Variants in PLEKHH2 observed in about 807,000 individuals in gnomAD.
The protein encoded by PLEKHH2 is pleckstrin homology domain-containing family H member 2.
In PLEKHH2, 129 loss-of-function variants were observed where a neutral mutation model predicts 187.9. The ratio of observed to expected loss-of-function variants is 0.69; its 90% CI spans 0.59 to 0.79. PLEKHH2 has a LOEUF of 0.79. Ranked by LOEUF, PLEKHH2 falls within the 30% of genes least tolerant of loss-of-function variation. PLEKHH2 has a pLI of 0.00. For missense variants in PLEKHH2, 2,076 were observed against 1,751.2 expected (o/e 1.19, Z -3.31); for synonymous variants, 686 against 605.6 (o/e 1.13, Z -1.95).
At chr2:43,721,983 A>G (rs559721627) in intron 16 of PLEKHH2, among the ~76,000 whole-genome samples, 3 of 152,272 alleles carry the variant, frequency 2.0e-5, no homozygotes, top group East Asian at 3.9e-4. Context: ...TTGTGCTGTC[A>G]ATGTAATCCT....
chr2:43,656,540 G>C (rs1261325936), intron 2 of PLEKHH2, among the ~76,000 whole-genome samples: 2 of 126,974 alleles, frequency 1.6e-5, no homozygotes, highest in African/African-American at 5.9e-5. Context: ...CACAGGAATA[G>C]TCAGAGGATT....
At chr2:43,685,351 A>G (rs1309026548) in intron 3 of PLEKHH2, among the ~76,000 whole-genome samples, 1 of 152,242 alleles carries the variant, frequency 6.6e-6, no homozygotes, top group African/African-American at 2.4e-5. Flanking sequence ...GTCTGCAGAA[A>G]AAAAGTCACA....
chr2:43,714,225 GT>G (rs1195608912), intron 15 of PLEKHH2, among the ~76,000 whole-genome samples: 2 of 152,154 alleles, frequency 1.3e-5, no homozygotes, highest in African/African-American at 2.4e-5. Flanking sequence ...TTGCTTGCTT[GT>G]TTTTACTTTA....
chr2:43,758,803 T>C, intron 26 of PLEKHH2, 97 bp from the exon 27 acceptor site: 2 of 1,076,266 alleles, frequency 1.9e-6, no homozygotes, highest in Non-Finnish European at 2.6e-6. Flanking sequence ...CAGTTATGCT[T>C]AGGATTGGCT....
intron 28 of PLEKHH2, among the ~76,000 whole-genome samples, chr2:43,763,053 G>A (rs1672489158): frequency 6.6e-6 from 1 of 152,064 alleles, no homozygotes; most frequent in African/African-American, 2.4e-5. Flanking sequence ...ATTCTTTTGT[G>A]TTATAGTCAC....
At chr2:43,734,724 A>G (rs943189701) in intron 19 of PLEKHH2, among the ~76,000 whole-genome samples, 2 of 152,252 alleles carry the variant, frequency 1.3e-5, no homozygotes, top group Admixed American at 6.5e-5. Flanking sequence ...TAGAACTACC[A>G]TGTGATCCAG....
At chr2:43,697,067 C>G in intron 6 of PLEKHH2, 104 bp from the exon 7 acceptor site, 1 of 903,350 alleles carries the variant, frequency 1.1e-6, no homozygotes, top group Non-Finnish European at 1.6e-6. Flanking sequence ...GGCTTTTTTT[C>G]TGGCATAAAG....
At position 43,731,516 on chromosome 2, in the gene PLEKHH2, T is replaced by C; in HGVS notation, c.2857T>C (p.Leu953=). 1.2e-6 allele frequency: 2 copies of C among 1,603,590 alleles called. No homozygotes were observed. Among genetic ancestry groups the C allele is most frequent in the Non-Finnish European group, 1.7e-6 (2 of 1,170,916 alleles). The change falls in exon 19 of 30, where the codon TTG becomes CTG. Residue 953 remains leucine (L), a synonymous_variant. Coordinates refer to ENST00000282406, the MANE Select transcript of PLEKHH2 (RefSeq NM_172069.4). ...PSSQIWRHPT[L]CHSKEGIISP... ...CTCTCAGATATGGAGACACCCCACTTTGTGTCACAGTAAAGAAGGAATCAT... is the reference window on the plus strand; with the variant it reads ...CTCTCAGATATGGAGACACCCCACTCTGTGTCACAGTAAAGAAGGAATCAT...
intron 2 of PLEKHH2, among the ~76,000 whole-genome samples, chr2:43,666,524 T>A (rs1443957151): frequency 6.6e-6 from 1 of 152,244 alleles, no homozygotes; most frequent in Non-Finnish European, 1.5e-5. Context: ...CTTAAGAAAC[T>A]GCCGAACTGT....
intron 25 of PLEKHH2, among the ~76,000 whole-genome samples, chr2:43,754,701 C>T (rs1392527561): frequency 6.6e-6 from 1 of 152,196 alleles, no homozygotes; most frequent in Non-Finnish European, 1.5e-5. Context: ...CATATGGCAT[C>T]TGGACCAAGG....
At chr2:43,754,114 G>A (rs751590069) in intron 25 of PLEKHH2, among the ~76,000 whole-genome samples, 1 of 151,216 alleles carries the variant, frequency 6.6e-6, no homozygotes, top group Non-Finnish European at 1.5e-5. Context: ...AAAGGCTAGA[G>A]CACTTTCTTT....
chr2:43,643,371 ATGT>A (rs1457654799), intron 1 of PLEKHH2, among the ~76,000 whole-genome samples: 2 of 152,186 alleles, frequency 1.3e-5, no homozygotes, highest in East Asian at 1.9e-4. Flanking sequence ...CACTTAATAA[ATGT>A]TGTAGTCTTT....
At chr2:43,712,636 G>A (rs1008092861) in intron 15 of PLEKHH2, among the ~76,000 whole-genome samples, 1 of 152,146 alleles carries the variant, frequency 6.6e-6, no homozygotes, top group Admixed American at 6.5e-5. Context: ...AAGAAGGATT[G>A]AAAAACTTTG....
At position 43,695,173 on chromosome 2, in the gene PLEKHH2, A is replaced by C; in HGVS notation, c.451A>C (p.Ile151Leu). ...LELENQNLRL[I>L]NQNQTEEIRT... ...ATTGGAGAATCAGAATCTTCGTTTG[A>C]TCAACCAAAACCAAACTGAAGAGAT... Residue 151 changes from isoleucine (I) to leucine (L), a missense_variant, in exon 6 of 30, where the codon ATC (isoleucine) becomes CTC (leucine). Coordinates refer to ENST00000282406, the MANE Select transcript of PLEKHH2 (RefSeq NM_172069.4). The C allele has an allele frequency of 6.3e-7, 1 of 1,599,626 alleles. No homozygotes were observed. Among genetic ancestry groups the C allele is most frequent in the Non-Finnish European group, 8.5e-7 (1 of 1,170,948 alleles).
Position 43,733,812 on chromosome 2 carries a change from C to T in PLEKHH2, c.2943+2210C>T, listed in dbSNP as rs1671161569. Among the ~76,000 whole-genome samples, 3 of 152,098 alleles carry T rather than the reference C, an allele frequency of 2.0e-5. No individual in the cohort carries two copies. In the South Asian group the frequency reaches 6.2e-4, roughly 32 times the overall value. On this transcript the variant is annotated intron_variant, in intron 19 of 29. Coordinates refer to ENST00000282406, the MANE Select transcript of PLEKHH2 (RefSeq NM_172069.4). ...GGTGATTATTATGCTGTTCTCTCTACTTTTATACATTTTTAAAATTTCTAT... is the reference window on the plus strand; with the variant it reads ...GGTGATTATTATGCTGTTCTCTCTATTTTTATACATTTTTAAAATTTCTAT...
intron 15 of PLEKHH2, among the ~76,000 whole-genome samples, chr2:43,718,058 GATATGAT>G (rs1053462855): frequency 1.8e-4 from 27 of 152,148 alleles, no homozygotes; most frequent in African/African-American, 6.5e-4. Flanking sequence ...GGCTAATTGG[GATATGAT>G]ATACTGTTTG....
chr2:43,712,168 C>G (rs1669997216), intron 14 of PLEKHH2, 57 bp from the exon 15 acceptor site: 1 of 1,559,488 alleles, frequency 6.4e-7, no homozygotes, highest in African/African-American at 1.4e-5. Context: ...CAAGGAAATG[C>G]TAACAATCCT....
intron 2 of PLEKHH2, among the ~76,000 whole-genome samples, chr2:43,666,642 C>T (rs1469957366): frequency 2.6e-5 from 4 of 152,160 alleles, no homozygotes; most frequent in African/African-American, 4.8e-5. Context: ...TAATTTTAGC[C>T]ATATTAATAG....
At chr2:43,679,919 T>G (rs1172972820) in intron 3 of PLEKHH2, among the ~76,000 whole-genome samples, 3 of 152,186 alleles carry the variant, frequency 2.0e-5, no homozygotes, top group Non-Finnish European at 2.9e-5. Context: ...TGATGCTCAG[T>G]GTCCCAAAGT....
Sources: gnomAD v4.1 joint callset for allele counts (sites outside exome capture counted in the v4.1 genomes callset) on GRCh38, gnomAD v4.1.1 for gene constraint, MANE v1.5 for transcripts, NCBI Gene and HGNC (gene_info 2026-07-23, HGNC 2026-07-21) for gene names.